LARGE1: variants seen among roughly 807,000 people sequenced by gnomAD.
LARGE1 encodes the protein xylosyl- and glucuronyltransferase LARGE1.
Under a neutral mutation model 87.6 loss-of-function variants are expected in LARGE1, and 43 were observed. The observed-to-expected ratio is 0.49, with a 90% CI of 0.38 to 0.63. LARGE1 has a LOEUF of 0.63. Ranked by LOEUF, LARGE1 falls within the 30% of genes least tolerant of loss-of-function variation. LARGE1 has a pLI of 0.00. For synonymous variants in LARGE1, 434 were observed against 394.6 expected (o/e 1.10, Z -1.18); for missense variants, 802 against 1,000.2 (o/e 0.80, Z 2.67).
intron 11 of LARGE1, among the ~76,000 whole-genome samples, chr22:33,213,889 C>T (rs571614290): frequency 2.5e-3 from 382 of 152,016 alleles, no homozygotes; most frequent in Non-Finnish European, 4.0e-3. Context: ...AGTGCAGTGG[C>T]GCAATCTCCG....
chr22:33,485,253 G>A (rs934913724), intron 6 of LARGE1, among the ~76,000 whole-genome samples: 7 of 146,596 alleles, frequency 4.8e-5, no homozygotes, highest in African/African-American at 1.0e-4. Flanking sequence ...TTGCTCTGTC[G>A]CCCAGGCTGG....
At chr22:33,707,976 C>G (rs959530209) in intron 2 of LARGE1, among the ~76,000 whole-genome samples, 2 of 152,114 alleles carry the variant, frequency 1.3e-5, no homozygotes, top group African/African-American at 4.8e-5. Context: ...TGCACACACA[C>G]AGGATGGAAC....
the LARGE1 span, among the ~76,000 whole-genome samples, chr22:33,084,997 C>A: frequency 6.6e-6 from 1 of 152,134 alleles, no homozygotes; most frequent in Non-Finnish European, 1.5e-5. Context: ...TAGAATTGGC[C>A]AGGCACAGTG....
At chr22:33,834,702 T>C (rs1156839131) in intron 1 of LARGE1, among the ~76,000 whole-genome samples, 1 of 152,224 alleles carries the variant, frequency 6.6e-6, no homozygotes, top group African/African-American at 2.4e-5. Context: ...CGGCAATAAC[T>C]GGAGGGTGGT....
the LARGE1 span, among the ~76,000 whole-genome samples, chr22:33,109,513 C>T: frequency 1.3e-5 from 2 of 152,132 alleles, no homozygotes; most frequent in Admixed American, 1.3e-4. Context: ...TAAGTCATCG[C>T]CTGCCAAAAG....
rs375114822 is a variant in LARGE1, at chr22:33,755,358, C to T, written c.106+6013G>A. On this transcript the variant is annotated intron_variant, in intron 2 of 14. Transcript: ENST00000397394. ...CTTTTAAATAACACCCACATTGTCC[C>T]GGACTGCCTCCCTGACAATGGGAAA... is the stretch of plus-strand genomic sequence containing the variant. Among the ~76,000 whole-genome samples, 53 of 152,294 alleles carry T rather than the reference C, an allele frequency of 3.5e-4. No homozygotes were observed. The East Asian group carries it at 6.6e-3, about 19-fold the overall frequency.
chr22:33,748,140 T>G lies in LARGE1; in HGVS notation c.106+13231A>C, dbSNP rs533306936. 2.6e-3 allele frequency among the ~76,000 whole-genome samples: 391 copies of G among 150,640 alleles called. 2 individuals carry two copies. Among genetic ancestry groups the G allele is most frequent in the African/African-American group, 8.9e-3 (364 of 40,990 alleles). On this transcript the variant is annotated intron_variant, in intron 2 of 14. Transcript: ENST00000397394. ...CTTCCTATCAATGCAGGTTTGTTTT[T>G]TTTTTTTTTTTAGACAGAGTCTCAG...
At chr22:33,330,079 G>A (rs1341302338) in intron 10 of LARGE1, among the ~76,000 whole-genome samples, 2 of 152,016 alleles carry the variant, frequency 1.3e-5, no homozygotes, top group Non-Finnish European at 2.9e-5. Flanking sequence ...TTACAGAAGG[G>A]AATATTTCAG....
At chr22:33,181,827 CTTTTTTTTT>C (rs56347007) in intron 11 of LARGE1, among the ~76,000 whole-genome samples, 28 of 128,460 alleles carry the variant, frequency 2.2e-4, no homozygotes, top group East Asian at 2.2e-4. Flanking sequence ...TATGCCTGGC[CTTTTTTTTT>C]TTTTTTTTTT....
intron 11 of LARGE1, among the ~76,000 whole-genome samples, chr22:33,315,359 G>A (rs1439548602): frequency 6.6e-6 from 1 of 152,194 alleles, no homozygotes; most frequent in African/African-American, 2.4e-5. Context: ...CTACATCAGG[G>A]CGGGGCTCAT....
At chr22:33,829,000 CTTTTTCTTTTTTTTTT>C (rs1209955882) in intron 1 of LARGE1, among the ~76,000 whole-genome samples, 13 of 106,198 alleles carry the variant, frequency 1.2e-4, no homozygotes, top group Non-Finnish European at 2.5e-4. Context: ...TGTGAAGTCT[CTTTTTCTTTTTTTTTT>C]TTTTTTTTTT....
At chr22:33,888,829 C>T (rs1014500325) in intron 1 of LARGE1, among the ~76,000 whole-genome samples, 1 of 152,190 alleles carries the variant, frequency 6.6e-6, no homozygotes, top group Admixed American at 6.5e-5. Flanking sequence ...TGCACTCCAG[C>T]CTGGGCAACA....
chr22:33,613,982 C>T (rs2149024250), intron 4 of LARGE1, among the ~76,000 whole-genome samples: 1 of 152,290 alleles, frequency 6.6e-6, no homozygotes, highest in Admixed American at 6.5e-5. Flanking sequence ...TGCCCTGGGC[C>T]CCCCACCCAG....
chr22:33,216,568 G>A (rs1713399821), intron 11 of LARGE1, among the ~76,000 whole-genome samples: 1 of 148,576 alleles, frequency 6.7e-6, no homozygotes, highest in Middle Eastern at 3.2e-3. Context: ...GGCGGAGCTT[G>A]CAGTGGGCGA....
At chr22:33,304,993 A>T (rs1274085258) in intron 11 of LARGE1, among the ~76,000 whole-genome samples, 1 of 152,218 alleles carries the variant, frequency 6.6e-6, no homozygotes, top group Non-Finnish European at 1.5e-5. Context: ...GATGTGCTGC[A>T]GTGTGCCAGG....
intron 2 of LARGE1, among the ~76,000 whole-genome samples, chr22:33,761,094 T>G (rs1311450545): frequency 6.6e-6 from 1 of 152,052 alleles, no homozygotes; most frequent in Non-Finnish European, 1.5e-5. Flanking sequence ...GCCCAACCTT[T>G]TCTCCCATTA....
chr22:33,450,875 T>C (rs2067887728), intron 6 of LARGE1, among the ~76,000 whole-genome samples: 1 of 151,860 alleles, frequency 6.6e-6, no homozygotes, highest in Admixed American at 6.6e-5. Context: ...TAGAATGGGG[T>C]GTCTGGACGG....
At chr22:33,571,107 G>A (rs1398014655) in intron 5 of LARGE1, among the ~76,000 whole-genome samples, 1 of 152,168 alleles carries the variant, frequency 6.6e-6, no homozygotes, top group Non-Finnish European at 1.5e-5. Flanking sequence ...TCCTTGCAAT[G>A]GCTGTTAATA....
chr22:33,499,585 C>T (rs901506632), intron 6 of LARGE1, among the ~76,000 whole-genome samples: 2 of 152,132 alleles, frequency 1.3e-5, no homozygotes, highest in African/African-American at 2.4e-5. Flanking sequence ...GCCAGGGTCC[C>T]GTGACACCTG....
Sources: gnomAD v4.1 joint callset for allele counts (sites outside exome capture counted in the v4.1 genomes callset) on GRCh38, gnomAD v4.1.1 for gene constraint, MANE v1.5 for transcripts, NCBI Gene and HGNC (gene_info 2026-07-23, HGNC 2026-07-21) for gene names.